SQLE: variants seen among roughly 807,000 people sequenced by gnomAD.
SQLE encodes squalene epoxidase, also known as squalene monooxygenase.
In SQLE, 29 loss-of-function variants were observed where a neutral mutation model predicts 60.7. The ratio of observed to expected loss-of-function variants is 0.48; its 90% CI spans 0.36 to 0.65. The LOEUF (loss-of-function observed/expected upper bound fraction) is 0.65. Among genes scored for constraint, SQLE ranks in the 30% least tolerant of loss-of-function variants. The pLI is 0.00. For synonymous variants in SQLE, 237 were observed against 246.8 expected (o/e 0.96, Z 0.37); for missense variants, 605 against 684.1 (o/e 0.88, Z 1.29).
intron 7 of SQLE, among the ~76,000 whole-genome samples, chr8:125,013,355 T>C (rs1156356257): frequency 7.7e-6 from 1 of 129,396 alleles, no homozygotes; most frequent in Non-Finnish European, 1.6e-5. Context: ...GTTTTCTTTT[T>C]CTTTTTTTTT....
Position 125,003,263 on chromosome 8 carries a change from A to G in SQLE, c.379A>G (p.Ile127Val). The G allele has an allele frequency of 6.2e-6, 10 of 1,614,010 alleles. No individual in the cohort carries two copies. Among genetic ancestry groups the G allele is most frequent in the Non-Finnish European group, 8.5e-6 (10 of 1,179,892 alleles). ...STSSQNDPEV[I>V]IVGAGVLGSA... ...ATCTTCTCAGAATGACCCAGAAGTT[A>G]TCATCGTGGGAGCTGGCGTGCTTGG... Residue 127 changes from isoleucine to valine, a missense_variant, in exon 2 of 11, where the codon ATC (isoleucine) becomes GTC (valine). Ile to Val is a conservative substitution (Grantham distance 29). Coordinates refer to ENST00000265896, the MANE Select transcript of SQLE (RefSeq NM_003129.4).
chr8:125,018,773 T>A, intron 9 of SQLE, 46 bp downstream of exon 9: 1 of 1,260,910 alleles, frequency 7.9e-7, no homozygotes, highest in South Asian at 1.4e-5. Context: ...TTGCAGATTT[T>A]TAGCGTAGGA....
At chr8:125,001,730 C>G (rs1263061518) in intron 1 of SQLE, among the ~76,000 whole-genome samples, 1 of 150,834 alleles carries the variant, frequency 6.6e-6, no homozygotes, top group East Asian at 1.9e-4. Flanking sequence ...TAAAAGAATG[C>G]TGGGTGGATA....
At chr8:125,021,251 A>G (rs1217733441) in intron 10 of SQLE, among the ~76,000 whole-genome samples, 2 of 152,164 alleles carry the variant, frequency 1.3e-5, no homozygotes, top group African/African-American at 4.8e-5. Flanking sequence ...GTACAGACAT[A>G]TGTGGAACTA....
rs1815120298 is a variant in SQLE, at chr8:125,016,943, G to C, written c.1205-1116G>C. On this transcript the variant is annotated intron_variant, in intron 7 of 10. Transcript: ENST00000265896. This position sits in a 1 kb window ranked among gnomAD's most constrained non-coding sequence, Gnocchi z 4.1. ...TGGATTATCAGGAAAAGAACTCTTG[G>C]TTCTCTTCCCTTACTTTCCCCCAAA... 6.6e-6 allele frequency among the ~76,000 whole-genome samples: 1 copy of C among 152,144 alleles called. No individual in the cohort carries two copies. Among genetic ancestry groups the C allele is most frequent in the Non-Finnish European group, 1.5e-5 (1 of 68,040 alleles).
intron 7 of SQLE, among the ~76,000 whole-genome samples, chr8:125,015,727 T>C (rs986540054): frequency 6.6e-6 from 1 of 152,228 alleles, no homozygotes; most frequent in Non-Finnish European, 1.5e-5. Flanking sequence ...TTACTGCTCG[T>C]TAAGGTCCTT....
chr8:125,009,079 A>G lies in SQLE; in HGVS notation c.931A>G (p.Met311Val), dbSNP rs759773392. The G allele has an allele frequency of 6.3e-7, 1 of 1,594,068 alleles. No homozygotes were observed. The highest frequency in any genetic ancestry group is 1.2e-5 in the South Asian group (1 of 86,340). The change falls in exon 5 of 11, where the codon ATG (methionine) becomes GTG (valine). Residue 311 changes from methionine to valine, a missense_variant. By Grantham distance (21) the Met-to-Val change is conservative. Coordinates refer to ENST00000265896, the MANE Select transcript of SQLE (RefSeq NM_003129.4). ...ATCATCTCATTTTGTTGGCTTTCTT[A>G]TGAAGGTACTGTAGGAGTGTGTTAT... ...SVSSHFVGFL[M>V]KNAPQFKANH...
At chr8:125,018,817 T>C in intron 9 of SQLE, 90 bp downstream of exon 9, 1 of 877,616 alleles carries the variant, frequency 1.1e-6, no homozygotes, top group South Asian at 1.7e-5. Context: ...TGTCCAGAAA[T>C]AAAAATGTTA....
chr8:125,014,006 C>T (rs1588115118), intron 7 of SQLE, among the ~76,000 whole-genome samples: 1 of 152,088 alleles, frequency 6.6e-6, no homozygotes, highest in Admixed American at 6.5e-5. Flanking sequence ...GAGGCAGTGG[C>T]ATGATTAGAC....
intron 10 of SQLE, 116 bp from the exon 11 acceptor site, chr8:125,021,637 G>A (rs1413471891): frequency 1.4e-6 from 1 of 711,912 alleles, no homozygotes; most frequent in African/African-American, 1.8e-5. Context: ...GAATTATGAT[G>A]CTTGGGTAAA....
rs1814786900 is a variant in SQLE at position 124,998,673 on chromosome 8, T to C, written c.-731T>C. On this transcript the variant is annotated 5_prime_UTR_variant, in exon 1 of 11. Transcript: ENST00000265896. ...TACCCTGGAAACCACCTTTTATCGG[T>C]GGGGAAGTGCAGTCGCGGTGGGCGG... The C allele has an allele frequency of 3.1e-6, 2 of 655,350 alleles. No individual in the cohort carries two copies. Among genetic ancestry groups the C allele is most frequent in the Non-Finnish European group, 5.5e-6 (2 of 360,788 alleles). The allele number at this position is 655,350 out of a possible 1,614,324, so 40.6% of individuals were successfully genotyped here. A position where few individuals can be genotyped will look rare whatever the true frequency, so the allele number is the denominator to read the frequency against.
intron 1 of SQLE, among the ~76,000 whole-genome samples, chr8:125,002,953 A>C (rs545053951): frequency 6.6e-6 from 1 of 152,318 alleles, no homozygotes; most frequent in East Asian, 1.9e-4. Context: ...TAAATATTTA[A>C]TTTTATTGGG....
At chr8:125,011,472 A>C in intron 6 of SQLE, 65 bp from the exon 7 acceptor site, 1 of 1,313,182 alleles carries the variant, frequency 7.6e-7, no homozygotes, top group Admixed American at 2.1e-5. Context: ...TGATAAGAAA[A>C]TATGTGATAC....
At chr8:125,021,541 A>AAGGG (rs1554588624) in intron 10 of SQLE, among the ~76,000 whole-genome samples, 1 of 139,582 alleles carries the variant, frequency 7.2e-6, no homozygotes, top group African/African-American at 2.7e-5. Context: ...AAAAAAAAAA[A>AAGGG]GGGGGGTGGG....
At chr8:125,018,592 T>A (rs1815147766) in intron 8 of SQLE, 39 bp from the exon 9 acceptor site, 1 of 1,407,152 alleles carries the variant, frequency 7.1e-7, no homozygotes, top group African/African-American at 1.4e-5. Context: ...TGTGCTTTTT[T>A]ATCCTTACCA....
chr8:125,003,180 G>A lies in SQLE; in HGVS notation c.296G>A (p.Arg99Lys). The A allele has an allele frequency of 1.2e-6, 2 of 1,603,130 alleles. No homozygotes were observed. The highest frequency in any genetic ancestry group is 1.1e-5 in the South Asian group (1 of 89,062). ...NKEQLEARRR[R>K]KGTNISETSL... ...TACCTTTTTTTTTTTAAACAGCGCAGAAAAGGAACCAATATTTCAGAAACA... is the reference window on the plus strand; with the variant it reads ...TACCTTTTTTTTTTTAAACAGCGCAAAAAAGGAACCAATATTTCAGAAACA... The change falls in exon 2 of 11, where the codon AGA (arginine) becomes AAA (lysine). Residue 99 changes from arginine (R) to lysine (K), a missense_variant. By Grantham distance (26) the Arg-to-Lys change is conservative (BLOSUM62 2). Transcript: ENST00000265896.
intron 7 of SQLE, among the ~76,000 whole-genome samples, chr8:125,015,463 C>T (rs929774741): frequency 2.0e-5 from 3 of 152,008 alleles, no homozygotes; most frequent in South Asian, 4.2e-4. Context: ...TCTTTTCTTC[C>T]GTCCTGTTTC....
Position 125,005,686 on chromosome 8 carries a change from G to A in SQLE, c.706G>A (p.Ala236Thr). 1 of 1,594,858 alleles carries A rather than the reference G, an allele frequency of 6.3e-7. No individual in the cohort carries two copies. The highest frequency in any genetic ancestry group is 8.6e-7 in the Non-Finnish European group (1 of 1,167,212). Reference protein sequence around the residue: ...HGRFIMSLRKAAMAEPNAKFI... With the variant: ...HGRFIMSLRKTAMAEPNAKFI... ...AAGATTCATCATGAGTCTCCGGAAA[G>A]CAGCTATGGCAGAGCCCAAGTAAGA... The change falls in exon 3 of 11, where the codon GCA (alanine) becomes ACA (threonine). Residue 236 changes from alanine to threonine, a missense_variant. Transcript: ENST00000265896.
At chr8:125,018,480 G>A in intron 8 of SQLE, 151 bp from the exon 9 acceptor site, 1 of 668,826 alleles carries the variant, frequency 1.5e-6, no homozygotes, top group Non-Finnish European at 2.4e-6. Context: ...CTCTGAAGGT[G>A]ATTTTTTATT....
Sources: allele counts gnomAD v4.1 joint callset (sites outside exome capture counted in the v4.1 genomes callset), GRCh38; gene constraint gnomAD v4.1.1; non-coding constraint Gnocchi (gnomAD v3.1); transcripts MANE v1.5; gene names NCBI Gene and HGNC (gene_info 2026-07-23, HGNC 2026-07-21).